CD226: variants seen among roughly 807,000 people sequenced by gnomAD.
CD226 encodes the protein CD226 antigen.
A neutral mutation model predicts 34.9 loss-of-function variants in CD226; 24 were observed. That is an observed-to-expected ratio of 0.69 (90% confidence interval 0.50 to 0.97). CD226 has a LOEUF of 0.97. Among genes scored for constraint, CD226 ranks in the 50% least tolerant of loss-of-function variants. The pLI, the probability that CD226 is intolerant of heterozygous loss-of-function variation, is 0.00. For synonymous variants in CD226, 148 were observed against 147.4 expected (o/e 1.00, Z -0.03); for missense variants, 397 against 412.7 (o/e 0.96, Z 0.33).
At chr18:69,915,371 T>G (rs1177662838) in intron 2 of CD226, among the ~76,000 whole-genome samples, 2 of 152,178 alleles carry the variant, frequency 1.3e-5, no homozygotes, top group Non-Finnish European at 2.9e-5. Context: ...CATGCCATGG[T>G]TCTCCATTTG....
chr18:69,897,089 AT>A (rs903316448), intron 2 of CD226, among the ~76,000 whole-genome samples: 1 of 152,132 alleles, frequency 6.6e-6, no homozygotes, highest in African/African-American at 2.4e-5. Flanking sequence ...TTGAGAGGAA[AT>A]TCCCCCTCTT....
At chr18:69,946,180 C>CAAAAAAAAAAAAAAAAAAA (rs60750165) in intron 2 of CD226, among the ~76,000 whole-genome samples, 1 of 66,376 alleles carries the variant, frequency 1.5e-5, no homozygotes, top group African/African-American at 7.3e-5. Flanking sequence ...AAGACTCCAT[C>CAAAAAAAAAAAAAAAAAAA]AAAAAAAAAA....
At chr18:69,873,378 A>ATG in intron 3 of CD226, 132 bp from the exon 4 acceptor site, 1 of 561,574 alleles carries the variant, frequency 1.8e-6, no homozygotes. Flanking sequence ...AAAAAATAGA[A>ATG]TGAGTTACAG....
At chr18:69,918,613 G>T (rs2145303708) in intron 2 of CD226, among the ~76,000 whole-genome samples, 1 of 152,226 alleles carries the variant, frequency 6.6e-6, no homozygotes, top group South Asian at 2.1e-4. Context: ...AATACCTCAG[G>T]CATGGTCTCG....
intron 4 of CD226, among the ~76,000 whole-genome samples, chr18:69,872,571 TTAGTA>T (rs1291784319): frequency 3.3e-5 from 5 of 152,060 alleles, no homozygotes; most frequent in Non-Finnish European, 7.4e-5. Context: ...TAAAAAAAAT[TTAGTA>T]TAGGCCAAAT....
chr18:69,898,565 G>T (rs1985431854), intron 2 of CD226, among the ~76,000 whole-genome samples: 1 of 152,126 alleles, frequency 6.6e-6, no homozygotes, highest in African/African-American at 2.4e-5. Flanking sequence ...GGCTCCATGT[G>T]AGGACCTAGA....
intron 4 of CD226, among the ~76,000 whole-genome samples, chr18:69,870,272 C>CAT (rs1555677016): frequency 8.1e-6 from 1 of 124,102 alleles, no homozygotes; most frequent in Non-Finnish European, 1.7e-5. Context: ...TTGGCTCCCC[C>CAT]TTTTTTTTTT....
chr18:69,923,124 C>T (rs1459878650), intron 2 of CD226, among the ~76,000 whole-genome samples: 10 of 149,628 alleles, frequency 6.7e-5, no homozygotes, highest in Non-Finnish European at 7.4e-5. Flanking sequence ...CAGTGAGACT[C>T]TGTCTCAAAA....
At chr18:69,926,816 A>C (rs930970489) in intron 2 of CD226, among the ~76,000 whole-genome samples, 1 of 152,218 alleles carries the variant, frequency 6.6e-6, no homozygotes, top group African/African-American at 2.4e-5. Flanking sequence ...GCTCAGAAAA[A>C]TGAAGAAACT....
intron 3 of CD226, among the ~76,000 whole-genome samples, chr18:69,889,376 A>G (rs772602631): frequency 2.0e-5 from 3 of 152,200 alleles, no homozygotes; most frequent in Non-Finnish European, 2.9e-5. Flanking sequence ...GGAAAGGGAC[A>G]TATCTGTCAG....
rs1479360009 is a variant in CD226 at position 69,873,230 on chromosome 18, T to C, written c.744A>G (p.Gln248=). The change falls in exon 4 of 6, where the codon CAA becomes CAG. Residue 248 remains glutamine (Q), a synonymous_variant. Transcript: ENST00000582621. ...LTVAEGKTDN[Q]YTLFVAGGTV... ...TCCCTCCAGCCACAAAGAGGGTATA[T>C]TGGTTATCGGTTTTACCTAGGAGAG... The C allele has an allele frequency of 2.5e-6, 4 of 1,601,122 alleles. No homozygotes were observed. Among genetic ancestry groups the C allele is most frequent in the African/African-American group, 1.3e-5 (1 of 74,572 alleles).
At chr18:69,947,261 C>A in intron 1 of CD226, 100 bp downstream of exon 1, 1 of 947,042 alleles carries the variant, frequency 1.1e-6, no homozygotes, top group Non-Finnish European at 1.6e-6. Context: ...GAGAAATTAT[C>A]CTAGCCAACT....
chr18:69,961,046 T>A (rs992946913), upstream of CD226, among the ~76,000 whole-genome samples: 1 of 152,168 alleles, frequency 6.6e-6, no homozygotes, highest in Middle Eastern at 3.2e-3. Flanking sequence ...GAGAACATGG[T>A]CAAATAAAAC....
chr18:69,909,053 C>T (rs879925921), intron 2 of CD226, among the ~76,000 whole-genome samples: 1 of 152,156 alleles, frequency 6.6e-6, no homozygotes, highest in East Asian at 1.9e-4. Flanking sequence ...ATAGGCTAAC[C>T]ACTCCCTCCT....
chr18:69,952,694 G>A (rs116429283), upstream of CD226, among the ~76,000 whole-genome samples: 759 of 152,198 alleles, frequency 5.0e-3, 4 homozygotes, highest in African/African-American at 0.017. Context: ...AGTTGTCAAC[G>A]GATTCTTAGA....
intron 2 of CD226, among the ~76,000 whole-genome samples, chr18:69,904,244 G>A (rs2055223068): frequency 6.6e-6 from 1 of 152,238 alleles, no homozygotes; most frequent in Admixed American, 6.5e-5. Context: ...TTCAGGCTGC[G>A]TGTCCTGCAT....
At chr18:69,895,654 T>G in intron 3 of CD226, 47 bp downstream of exon 3, 12 of 1,442,164 alleles carry the variant, frequency 8.3e-6, no homozygotes, top group Non-Finnish European at 1.1e-5. Context: ...CCCACGGGGC[T>G]GGCTTTTTCC....
intron 2 of CD226, among the ~76,000 whole-genome samples, chr18:69,901,639 G>C (rs1047043580): frequency 6.6e-6 from 1 of 152,082 alleles, no homozygotes; most frequent in South Asian, 2.1e-4. Context: ...CAGCACTTTG[G>C]GAGGCCGAGG....
In CD226 at chr18:69,853,345, G is replaced by C. The variant is rs1439988268; in HGVS notation, c.*10969C>G. The C allele has an allele frequency of 1.3e-5, 2 of 152,012 alleles. No individual in the cohort carries two copies. The highest frequency in any genetic ancestry group is 2.4e-5 in the African/African-American group (1 of 41,390). The allele number at this position is 152,012 out of a possible 1,614,324, so 9.4% of individuals were successfully genotyped here. A position where few individuals can be genotyped will look rare whatever the true frequency, so the allele number is the denominator to read the frequency against. On this transcript the variant is annotated 3_prime_UTR_variant, in exon 6 of 6. Transcript: ENST00000582621. ...CTTAAAAAACATTCCACAAACAAAC[G>C]TTGCATAAAAGGCCTCAGGACGTAT... is the stretch of plus-strand genomic sequence containing the variant.
Sources: gnomAD v4.1 joint callset for allele counts (sites outside exome capture counted in the v4.1 genomes callset) on GRCh38, gnomAD v4.1.1 for gene constraint, MANE v1.5 for transcripts, NCBI Gene and HGNC (gene_info 2026-07-23, HGNC 2026-07-21) for gene names.